ANKDD1B: variants seen among roughly 807,000 people sequenced by gnomAD.
The protein encoded by ANKDD1B is ankyrin repeat and death domain containing 1B.
A neutral mutation model predicts 59.7 loss-of-function variants in ANKDD1B; 57 were observed. The ratio of observed to expected loss-of-function variants is 0.95; its 90% CI spans 0.77 to 1.19. The LOEUF is 1.19. Ranked by LOEUF, ANKDD1B falls within the 50% of genes most tolerant of loss-of-function variation. ANKDD1B has a pLI of 0.00. For missense variants in ANKDD1B, 602 were observed against 641.9 expected, an observed-to-expected ratio of 0.94 and a Z score of 0.67; for synonymous variants, 216 against 239.5, an observed-to-expected ratio of 0.90 and a Z score of 0.91.
At position 75,619,905 on chromosome 5, in the gene ANKDD1B, A is replaced by G. The variant is rs76246498; in HGVS notation, c.298-410A>G. On this transcript the variant is annotated intron_variant, in intron 2 of 13. Transcript: ENST00000601380. ...CTTAGAGAAGAACGAACACGAGTGG[A>G]TTGAATATCTAGGAAAATTTCCGCT... is the stretch of plus-strand genomic sequence containing the variant. Among the ~76,000 whole-genome samples the G allele has an allele frequency of 9.8e-4, 150 of 152,348 alleles. 2 individuals are homozygous for G. The East Asian group carries it at 0.023, about 23-fold the overall frequency.
At chr5:75,621,468 T>TC (rs1418931747) in intron 3 of ANKDD1B, among the ~76,000 whole-genome samples, 2 of 152,186 alleles carry the variant, frequency 1.3e-5, no homozygotes, top group African/African-American at 4.8e-5. Context: ...CATTCTTTTT[T>TC]TTTTTAATTT....
At chr5:75,637,678 A>G (rs1186713688) in intron 7 of ANKDD1B, among the ~76,000 whole-genome samples, 1 of 152,238 alleles carries the variant, frequency 6.6e-6, no homozygotes, top group Non-Finnish European at 1.5e-5. Context: ...AGTTTTTTAC[A>G]TGCATATATA....
Position 75,620,331 on chromosome 5 carries a change from T to G in ANKDD1B, c.314T>G (p.Leu105Arg). Residue 105 changes from leucine (L) to arginine (R), a missense_variant, in exon 3 of 14, where the codon CTG (leucine) becomes CGG (arginine). Physicochemically the swap from Leu to Arg is moderately radical, Grantham distance 102 (BLOSUM62 -2). Coordinates refer to ENST00000601380, the MANE Select transcript of ANKDD1B (RefSeq NM_001276713.2). ...NVVNNMNRTA[L>R]HFAVGRNHLS... ...CTTCCTCAGATGAACCGCACAGCCC[T>G]GCATTTTGCAGTGGGGAGAAATCAT... The G allele has an allele frequency of 6.5e-7, 1 of 1,530,028 alleles. No individual in the cohort carries two copies. Among genetic ancestry groups the G allele is most frequent in the Non-Finnish European group, 8.8e-7 (1 of 1,141,526 alleles). 94.8% of individuals were successfully genotyped at this position (1,530,028 alleles called of 1,614,324 possible).
intron 7 of ANKDD1B, among the ~76,000 whole-genome samples, chr5:75,649,134 C>T (rs1344827904): frequency 6.6e-6 from 1 of 151,460 alleles, no homozygotes; most frequent in African/African-American, 2.4e-5. Flanking sequence ...CCTGGAGGTC[C>T]TACCTCACAT....
At position 75,669,403 on chromosome 5, in the gene ANKDD1B, A is replaced by G; in HGVS notation, c.1525+20A>G. The stretch of plus-strand genomic sequence containing the variant: ...TAGCTGGTAAGTGACAGTTTCAACA[A>G]CAGAAATTCTTTCTCCCTTAAAATT... On this transcript the variant is annotated intron_variant, in intron 13 of 13. Transcript: ENST00000601380. 6.5e-6 allele frequency: 8 copies of G among 1,231,972 alleles called. No homozygotes were observed. Among genetic ancestry groups the G allele is most frequent in the Non-Finnish European group, 8.1e-6 (8 of 987,798 alleles). 76.3% of individuals were successfully genotyped at this position (1,231,972 alleles called of 1,614,324 possible).
At chr5:75,667,115 C>A in intron 12 of ANKDD1B, 122 bp downstream of exon 12, 1 of 593,132 alleles carries the variant, frequency 1.7e-6, no homozygotes, top group Non-Finnish European at 2.7e-6. Flanking sequence ...CTTCAAGGGG[C>A]CCAGGAATAG....
At chr5:75,616,272 A>G (rs558629683) in intron 1 of ANKDD1B, among the ~76,000 whole-genome samples, 2 of 152,320 alleles carry the variant, frequency 1.3e-5, no homozygotes, top group South Asian at 4.1e-4. Context: ...GTAGATGTCA[A>G]TCTACTTCTA....
At position 75,615,668 on chromosome 5, in the gene ANKDD1B, CTGTG is replaced by C. The variant is rs113185824; in HGVS notation, c.194-1104_194-1101del. Among the ~76,000 whole-genome samples, 687 of 144,258 alleles carry C rather than the reference CTGTG, an allele frequency of 4.8e-3. 4 individuals are homozygous for C. Among genetic ancestry groups the C allele is most frequent in the Admixed American group, 1.0e-2 (144 of 14,424 alleles). 94.6% of individuals were successfully genotyped at this position (144,258 alleles called of 152,430 possible). On this transcript the variant is annotated intron_variant, in intron 1 of 13. Transcript: ENST00000601380. ...TCTCCCTGCCTTCACCTGGTCTTCC[CTGTG>C]TGTGTGTGTGTGTGTGTGTGTGTGT...
intron 5 of ANKDD1B, among the ~76,000 whole-genome samples, chr5:75,628,128 AC>A (rs1774040829): frequency 6.6e-6 from 1 of 152,220 alleles, no homozygotes. Context: ...AATAGAAAAC[AC>A]AGAAAAAATC....
chr5:75,630,927 A>C (rs1561436441), intron 5 of ANKDD1B, among the ~76,000 whole-genome samples: 1 of 152,210 alleles, frequency 6.6e-6, no homozygotes, highest in East Asian at 1.9e-4. Flanking sequence ...ATAAGAAATA[A>C]AAATAATCTG....
At chr5:75,661,899 A>AT (rs35120763) in intron 10 of ANKDD1B, among the ~76,000 whole-genome samples, 12,661 of 92,730 alleles carry the variant, frequency 0.14, 1,192 homozygotes, top group East Asian at 0.28. Context: ...GGCTCCCACA[A>AT]TTTTTTTTTT....
intron 5 of ANKDD1B, among the ~76,000 whole-genome samples, chr5:75,628,471 G>A (rs1031873413): frequency 5.3e-5 from 8 of 152,156 alleles, no homozygotes; most frequent in African/African-American, 1.9e-4. Flanking sequence ...TTACTGCTGG[G>A]TTTCCCATTT....
At chr5:75,669,114 G>A in intron 12 of ANKDD1B, 138 bp from the exon 13 acceptor site, 3 of 793,030 alleles carry the variant, frequency 3.8e-6, no homozygotes, top group Non-Finnish European at 5.1e-6. Flanking sequence ...AGCACAGCGA[G>A]GGCAACTGGA....
intron 9 of ANKDD1B, among the ~76,000 whole-genome samples, chr5:75,656,662 C>A (rs78397853): frequency 2.6e-5 from 4 of 152,172 alleles, no homozygotes; most frequent in Non-Finnish European, 4.4e-5. Flanking sequence ...AATGCCGCAA[C>A]GGAATGATGA....
intron 10 of ANKDD1B, among the ~76,000 whole-genome samples, chr5:75,660,468 A>G (rs1401069406): frequency 6.6e-6 from 1 of 152,246 alleles, no homozygotes; most frequent in Non-Finnish European, 1.5e-5. Flanking sequence ...TTGTATGTCT[A>G]TACCACATTT....
chr5:75,658,351 G>A (rs1318762277), intron 9 of ANKDD1B, among the ~76,000 whole-genome samples: 1 of 152,170 alleles, frequency 6.6e-6, no homozygotes, highest in Non-Finnish European at 1.5e-5. Flanking sequence ...TGGTTAAGGA[G>A]TTGGGCTAGA....
chr5:75,622,409 A>T (rs972989716), intron 3 of ANKDD1B, among the ~76,000 whole-genome samples: 7 of 152,174 alleles, frequency 4.6e-5, no homozygotes, highest in African/African-American at 1.7e-4. Context: ...TGCAGGGCCT[A>T]CAGTCTATCT....
intron 5 of ANKDD1B, among the ~76,000 whole-genome samples, chr5:75,632,666 C>G (rs1377769692): frequency 6.6e-6 from 1 of 152,170 alleles, no homozygotes; most frequent in African/African-American, 2.4e-5. Flanking sequence ...TTCTTCTGTT[C>G]CAGTGCATTA....
intron 3 of ANKDD1B, among the ~76,000 whole-genome samples, chr5:75,622,341 A>T (rs1456803814): frequency 6.6e-6 from 1 of 152,198 alleles, no homozygotes; most frequent in African/African-American, 2.4e-5. Context: ...CTGCATTTTT[A>T]AAAAATTCCT....
Sources: gnomAD v4.1 joint callset for allele counts (sites outside exome capture counted in the v4.1 genomes callset) on GRCh38, gnomAD v4.1.1 for gene constraint, MANE v1.5 for transcripts, NCBI Gene and HGNC (gene_info 2026-07-23, HGNC 2026-07-21) for gene names.